The following PANK2 variants were observed in gnomAD, a reference collection of about 807,000 sequenced individuals.
PANK2 encodes the protein pantothenate kinase 2, mitochondrial.
PANK2 carries 36 observed loss-of-function variants against 43.1 expected under a neutral mutation model. The observed-to-expected ratio is 0.84, with a 90% CI of 0.64 to 1.10. The LOEUF (loss-of-function observed/expected upper bound fraction) is 1.10. Ranked by LOEUF, PANK2 falls within the 50% of genes least tolerant of loss-of-function variation. The pLI is 0.00. For synonymous variants in PANK2, 281 were observed against 238.2 expected (o/e 1.18, Z -1.66); for missense variants, 576 against 593.3 (o/e 0.97, Z 0.30).
At chr20:3,903,408 A>G (rs987882894) in intron 1 of PANK2, among the ~76,000 whole-genome samples, 9 of 149,912 alleles carry the variant, frequency 6.0e-5, no homozygotes, top group Non-Finnish European at 8.9e-5. Context: ...TTAGCCTCCC[A>G]AAGTGCTGGA....
intron 4 of PANK2, among the ~76,000 whole-genome samples, chr20:3,913,675 T>G (rs1455528211): frequency 1.3e-5 from 2 of 151,532 alleles, no homozygotes; most frequent in Non-Finnish European, 2.9e-5. Flanking sequence ...CTACATTTTA[T>G]CCATTTATTG....
rs1272489972 is a variant in PANK2, at chr20:3,918,084, A to G, written c.1207-587A>G. Among the ~76,000 whole-genome samples the G allele has an allele frequency of 2.6e-5, 4 of 152,374 alleles. No homozygotes were observed. The East Asian group carries it at 5.8e-4, about 22-fold the overall frequency. ...CTTAGGAGTGAGATTTCTGGTCTACAGAAATGATCATGCTCATGAATTTTG... is the reference window on the plus strand; with the variant it reads ...CTTAGGAGTGAGATTTCTGGTCTACGGAAATGATCATGCTCATGAATTTTG... On this transcript the variant is annotated intron_variant, in intron 5 of 6. Coordinates refer to ENST00000610179, the MANE Select transcript of PANK2 (RefSeq NM_001386393.1).
chr20:3,893,200 A>G (rs2090151955), intron 1 of PANK2, among the ~76,000 whole-genome samples: 1 of 152,110 alleles, frequency 6.6e-6, no homozygotes, highest in Admixed American at 6.6e-5. Context: ...AAGGCCATAT[A>G]GTGAGTTAGT....
At chr20:3,889,070 TGCACAAGTGGGGG>T (rs1568548707), upstream of PANK2, 2 of 1,487,918 alleles carry the variant, frequency 1.3e-6, no homozygotes, top group Admixed American at 4.2e-5. Context: ...GGCAGAGGCA[TGCACAAGTGGGGG>T]GCGGAAGGAG....
rs781355452 is a variant in PANK2 at position 3,912,666 on chromosome 20, G to C, written c.1082+32G>C. 1.9e-6 allele frequency: 3 copies of C among 1,610,374 alleles called. No individual in the cohort carries two copies. In the African/African-American group the frequency reaches 4.0e-5, roughly 22 times the overall value. ...GGGCATGTGTGTTCTAAGAAATACA[G>C]GCGGGCCGGGCGCGGTGGCTCATGC... On this transcript the variant is annotated intron_variant, in intron 4 of 6. Transcript: ENST00000610179.
intron 1 of PANK2, among the ~76,000 whole-genome samples, chr20:3,897,842 T>C (rs1279261901): frequency 6.6e-6 from 1 of 151,806 alleles, no homozygotes; most frequent in Admixed American, 6.6e-5. Flanking sequence ...CTGTCTCTAC[T>C]AAAAATATGA....
At chr20:3,906,666 AC>A (rs952317714) in intron 1 of PANK2, among the ~76,000 whole-genome samples, 62 of 147,462 alleles carry the variant, frequency 4.2e-4, no homozygotes, top group Admixed American at 2.4e-3. Context: ...AATAAAAAAA[AC>A]AATAAATACT....
At chr20:3,898,856 C>G (rs947568951) in intron 1 of PANK2, among the ~76,000 whole-genome samples, 1 of 151,616 alleles carries the variant, frequency 6.6e-6, no homozygotes, top group African/African-American at 2.4e-5. Flanking sequence ...GGGAAACAGT[C>G]TTGCTGGTCT....
Position 3,912,510 on chromosome 20 carries a change from A to G in PANK2, c.958A>G (p.Thr320Ala), listed in dbSNP as rs748901841. 8 of 1,613,982 alleles carry G rather than the reference A, an allele frequency of 5.0e-6. No homozygotes were observed. The African/African-American group carries it at 6.7e-5, about 13-fold the overall frequency. Residue 320 changes from threonine to alanine, a missense_variant, in exon 4 of 7, where the codon ACT becomes GCT. Thr to Ala is a moderately conservative substitution (Grantham distance 58). Coordinates refer to ENST00000610179, the MANE Select transcript of PANK2 (RefSeq NM_001386393.1). Reference sequence around the variant, plus strand: ...CTGCTGTCTTCTTACTGGCTGTACCACTTTTGAAGAAGCTCTTGAAATGGC... The same window carrying G: ...CTGCTGTCTTCTTACTGGCTGTACCGCTTTTGAAGAAGCTCTTGAAATGGC...
At chr20:3,906,862 G>C (rs149206661) in intron 1 of PANK2, among the ~76,000 whole-genome samples, 2 of 151,864 alleles carry the variant, frequency 1.3e-5, no homozygotes, top group African/African-American at 4.8e-5. Context: ...GCAGTGGTGC[G>C]ATCTTGGCTC....
intron 1 of PANK2, among the ~76,000 whole-genome samples, chr20:3,900,332 C>G (rs542043769): frequency 6.6e-6 from 1 of 151,622 alleles, no homozygotes; most frequent in African/African-American, 2.4e-5. Flanking sequence ...GGAGGGGCAC[C>G]TCTTGTAATG....
At chr20:3,895,014 C>G (rs543454472) in intron 1 of PANK2, among the ~76,000 whole-genome samples, 13 of 152,222 alleles carry the variant, frequency 8.5e-5, no homozygotes, top group Admixed American at 7.2e-4. Flanking sequence ...TATGCTGGCT[C>G]ATTTCTGTAA....
At chr20:3,913,711 A>AT (rs2090506446) in intron 4 of PANK2, among the ~76,000 whole-genome samples, 1 of 148,940 alleles carries the variant, frequency 6.7e-6, no homozygotes, top group Non-Finnish European at 1.5e-5. Context: ...GGTTGTTTCC[A>AT]TTTTTTGGTT....
Position 3,923,227 on chromosome 20 carries a change from GGT to G in PANK2, c.1333-14_1333-13del. 1.9e-6 allele frequency: 3 copies of G among 1,613,928 alleles called. No individual in the cohort carries two copies. The highest frequency in any genetic ancestry group is 2.5e-6 in the Non-Finnish European group (3 of 1,179,840). ...TCTAAGGAAAATTGCACTTATTTTT[GGT>G]GTATTTTCTTTCAGGGTTATTTTGG... is the stretch of plus-strand genomic sequence containing the variant. On this transcript the variant is annotated splice_polypyrimidine_tract_variant and intron_variant, in intron 6 of 6. Coordinates refer to ENST00000610179, the MANE Select transcript of PANK2 (RefSeq NM_001386393.1).
chr20:3,891,078 C>T (rs925212941), intron 1 of PANK2, among the ~76,000 whole-genome samples: 1 of 152,124 alleles, frequency 6.6e-6, no homozygotes, highest in Non-Finnish European at 1.5e-5. Context: ...GAGACAGCGT[C>T]TTGTTCTGTT....
At position 3,889,464 on chromosome 20, in the gene PANK2, C is replaced by A; in HGVS notation, c.34C>A (p.Leu12Met). The change falls in exon 1 of 7, where the codon CTG (leucine) becomes ATG (methionine). Residue 12 changes from leucine (L) to methionine (M), a missense_variant. Leu to Met is a conservative substitution (Grantham distance 15). Coordinates refer to ENST00000610179, the MANE Select transcript of PANK2 (RefSeq NM_001386393.1). ...CTTGCTCGGGCGGCAGCGACTGCTG[C>A]TGCGGATGGGAGGGGGCCGGCTCGG... 6.5e-7 allele frequency: 1 copy of A among 1,543,682 alleles called. No individual in the cohort carries two copies. Among genetic ancestry groups the A allele is most frequent in the South Asian group, 1.2e-5 (1 of 83,950 alleles).
intron 5 of PANK2, 104 bp downstream of exon 5, chr20:3,917,154 G>A: frequency 6.8e-7 from 1 of 1,460,416 alleles, no homozygotes; most frequent in Non-Finnish European, 9.6e-7. Context: ...GTAGTCATTT[G>A]GGGTGGGGTT....
At chr20:3,889,361 A>T, upstream of PANK2, 2 of 1,580,180 alleles carry the variant, frequency 1.3e-6, no homozygotes. Flanking sequence ...GCAACGGAAG[A>T]GGCGGCCGGC....
At chr20:3,917,570 C>G (rs1330418792) in intron 5 of PANK2, 1 of 520,960 alleles carries the variant, frequency 1.9e-6, no homozygotes, top group Non-Finnish European at 4.0e-6. Context: ...ATGAAAGAAC[C>G]AAGAATGGGC....
Sources: allele counts gnomAD v4.1 joint callset (sites outside exome capture counted in the v4.1 genomes callset), GRCh38; gene constraint gnomAD v4.1.1; transcripts MANE v1.5; gene names NCBI Gene and HGNC (gene_info 2026-07-23, HGNC 2026-07-21).